Variants in GPHN observed in about 807,000 individuals in gnomAD.
GPHN encodes the protein gephyrin.
A neutral mutation model predicts 95.5 loss-of-function variants in GPHN; 17 were observed. The ratio of observed to expected loss-of-function variants is 0.18; its 90% CI spans 0.12 to 0.27. The LOEUF is 0.27. Among genes scored for constraint, GPHN ranks in the 10% least tolerant of loss-of-function variants. The pLI is 1.00. For synonymous variants in GPHN, 320 were observed against 322.5 expected (o/e 0.99, Z 0.08); for missense variants, 660 against 978.1 (o/e 0.67, Z 4.34).
the GPHN span, among the ~76,000 whole-genome samples, chr14:67,591,154 TTAAAG>T: frequency 1.3e-5 from 2 of 152,078 alleles, no homozygotes; most frequent in African/African-American, 2.4e-5. Flanking sequence ...GATAGGTAGT[TTAAAG>T]TAAGAGGAAA....
intron 1 of GPHN, among the ~76,000 whole-genome samples, chr14:66,564,264 A>T (rs191495098): frequency 9.7e-4 from 147 of 152,252 alleles, no homozygotes; most frequent in African/African-American, 3.4e-3. Flanking sequence ...TTATATTTCT[A>T]AATAAGAGCA....
the GPHN span, among the ~76,000 whole-genome samples, chr14:67,599,387 G>C: frequency 5.1e-3 from 772 of 152,288 alleles, 29 homozygotes; most frequent in South Asian, 0.086. Context: ...GAGGCTCAGA[G>C]AAAACAGGAA....
chr14:67,725,826 A>G, the GPHN span, among the ~76,000 whole-genome samples: 1 of 152,340 alleles, frequency 6.6e-6, no homozygotes, highest in South Asian at 2.1e-4. Flanking sequence ...CCCAGTGACA[A>G]TGCTTATTGG....
chr14:67,690,696 C>A, the GPHN span: 1 of 440,456 alleles, frequency 2.3e-6, no homozygotes, highest in Non-Finnish European at 4.1e-6. Flanking sequence ...TTCTTAAGAG[C>A]TGGTTGGCTG....
chr14:66,834,974 T>G (rs1451830136), intron 4 of GPHN, among the ~76,000 whole-genome samples: 30 of 144,150 alleles, frequency 2.1e-4, no homozygotes, highest in Non-Finnish European at 4.3e-4. Flanking sequence ...TCTTCCTGGT[T>G]TAGTCTTGGG....
At chr14:67,396,871 C>T in the GPHN span, among the ~76,000 whole-genome samples, 1 of 152,226 alleles carries the variant, frequency 6.6e-6, no homozygotes, top group African/African-American at 2.4e-5. Context: ...TTACCATTTT[C>T]TTCCTTGATT....
At chr14:67,246,649 G>GTTTTTT in the GPHN span, among the ~76,000 whole-genome samples, 3 of 112,216 alleles carry the variant, frequency 2.7e-5, no homozygotes, top group Non-Finnish European at 1.7e-5. Flanking sequence ...CCTACTATAG[G>GTTTTTT]TTTTTTTTTT....
chr14:66,998,790 A>G (rs1266608141), intron 9 of GPHN, among the ~76,000 whole-genome samples: 1 of 151,830 alleles, frequency 6.6e-6, no homozygotes, highest in African/African-American at 2.4e-5. Flanking sequence ...GAACCTATCC[A>G]TGAGTTGTAT....
chr14:67,626,808 A>C, the GPHN span, among the ~76,000 whole-genome samples: 2 of 152,224 alleles, frequency 1.3e-5, no homozygotes, highest in Non-Finnish European at 2.9e-5. Context: ...ATAATGGTCA[A>C]CATGTGGAAA....
the GPHN span, among the ~76,000 whole-genome samples, chr14:67,551,058 G>A: frequency 1.3e-5 from 2 of 152,186 alleles, no homozygotes; most frequent in Admixed American, 1.3e-4. Flanking sequence ...CACAGACCAA[G>A]TGGTCCTGTT....
At chr14:67,290,429 G>T in the GPHN span, among the ~76,000 whole-genome samples, 1 of 152,156 alleles carries the variant, frequency 6.6e-6, no homozygotes, top group African/African-American at 2.4e-5. Context: ...ATTTGATGAG[G>T]TCTCACTCAG....
the GPHN span, chr14:67,360,360 G>T: frequency 2.5e-6 from 1 of 397,200 alleles, no homozygotes; most frequent in Non-Finnish European, 4.4e-6. Flanking sequence ...CGCACGCTGA[G>T]GAGGATCGGC....
the GPHN span, among the ~76,000 whole-genome samples, chr14:67,439,951 A>G: frequency 3.4e-4 from 52 of 151,806 alleles, 1 homozygote; most frequent in African/African-American, 1.1e-3. Flanking sequence ...CTATCCTCCT[A>G]CCTCAGCCTC....
chr14:67,586,834 C>G, the GPHN span: 1 of 1,483,654 alleles, frequency 6.7e-7, no homozygotes, highest in Middle Eastern at 1.8e-4. Flanking sequence ...GAACACTGGG[C>G]CTCCTTTTCT....
chr14:67,160,112 T>G (rs2081884186), intron 19 of GPHN, among the ~76,000 whole-genome samples: 1 of 152,156 alleles, frequency 6.6e-6, no homozygotes, highest in Non-Finnish European at 1.5e-5. Flanking sequence ...AGGATTCCAT[T>G]AAGGTCGACT....
At chr14:66,756,021 A>C (rs974901156) in intron 2 of GPHN, among the ~76,000 whole-genome samples, 14 of 152,162 alleles carry the variant, frequency 9.2e-5, no homozygotes, top group African/African-American at 3.4e-4. Flanking sequence ...TCTTTATTAT[A>C]AGTTGTATAA....
chr14:66,827,397 G>C (rs1009128287), intron 4 of GPHN, among the ~76,000 whole-genome samples: 3 of 151,996 alleles, frequency 2.0e-5, no homozygotes, highest in African/African-American at 7.2e-5. Context: ...TCTATAATAA[G>C]TCAGGAACCA....
chr14:66,559,413 T>G, intron 1 of GPHN, among the ~76,000 whole-genome samples: 1 of 131,526 alleles, frequency 7.6e-6, no homozygotes, highest in African/African-American at 3.1e-5. Context: ...GTTTCCTGAC[T>G]TTTTAATGAT....
chr14:67,167,655 G>C (rs914288506), intron 20 of GPHN, among the ~76,000 whole-genome samples: 1 of 151,988 alleles, frequency 6.6e-6, no homozygotes, highest in Non-Finnish European at 1.5e-5. Flanking sequence ...CCATGCCAAG[G>C]GAACCTAAAA....
Sources: allele counts gnomAD v4.1 joint callset (sites outside exome capture counted in the v4.1 genomes callset), GRCh38; gene constraint gnomAD v4.1.1; transcripts MANE v1.5; gene names NCBI Gene and HGNC (gene_info 2026-07-23, HGNC 2026-07-21).